SYCE1: variants seen among roughly 807,000 people sequenced by gnomAD.
SYCE1 encodes synaptonemal complex central element protein 1, also known as cancer/testis antigen 76.
A neutral mutation model predicts 55.1 loss-of-function variants in SYCE1; 37 were observed. The ratio of observed to expected loss-of-function variants is 0.67; its 90% CI spans 0.52 to 0.88. The LOEUF is 0.88. SYCE1 is among the 40% of genes least tolerant of loss of function. SYCE1 has a pLI of 0.00. For synonymous variants in SYCE1, 163 were observed against 159.4 expected, an observed-to-expected ratio of 1.02 and a Z score of -0.17; for missense variants, 399 against 416.4, an observed-to-expected ratio of 0.96 and a Z score of 0.36.
Position 133,559,329 on chromosome 10 carries a change from C to CAGG in SYCE1, c.165_167dup (p.Leu56dup). On this transcript the variant is annotated inframe_insertion, in exon 3 of 13. Coordinates refer to ENST00000343131, the MANE Select transcript of SYCE1 (RefSeq NM_001143764.3). ...GCTGGACCTCATTAATCCGGTTAAT[C>CAGG]AGGACCTCAACTCGGGGCTCTAGGC... 1 of 1,614,138 alleles carries CAGG rather than the reference C, an allele frequency of 6.2e-7. No homozygotes were observed. Among genetic ancestry groups the CAGG allele is most frequent in the Non-Finnish European group, 8.5e-7 (1 of 1,180,026 alleles).
At position 133,558,167 on chromosome 10, in the gene SYCE1, C is replaced by G. The variant is rs754075575; in HGVS notation, c.319G>C (p.Glu107Gln). ...CTGGAGACAGGGGAGCGGCAAATACCTTGTTTTTTGCTCAAGATCTCCTTC... is the reference window on the plus strand; with the variant it reads ...CTGGAGACAGGGGAGCGGCAAATACGTTGTTTTTTGCTCAAGATCTCCTTC... ...HLKEILSKKQ[E>Q]TLRILRLHCQ... The change falls in exon 5 of 13, where the codon GAG becomes CAG. Residue 107 changes from glutamate (E) to glutamine (Q), a missense_variant and splice_region_variant. Glu to Gln is a conservative substitution (Grantham distance 29). Coordinates refer to ENST00000343131, the MANE Select transcript of SYCE1 (RefSeq NM_001143764.3). 1.2e-6 allele frequency: 2 copies of G among 1,614,180 alleles called. No individual in the cohort carries two copies. Among genetic ancestry groups the G allele is most frequent in the Non-Finnish European group, 1.7e-6 (2 of 1,180,022 alleles).
downstream of SYCE1, chr10:133,554,683 G>A (rs780295702): frequency 5.3e-6 from 4 of 761,324 alleles, no homozygotes; most frequent in Non-Finnish European, 9.2e-6. Flanking sequence ...GTCCAGACCT[G>A]TAATGAAGGA....
rs146990359 is a variant in SYCE1, at chr10:133,555,389, G to A, written c.880C>T (p.Gln294Ter). 54 of 1,614,040 alleles carry A rather than the reference G, an allele frequency of 3.3e-5. No homozygotes were observed. In the African/African-American group the frequency reaches 7.1e-4, roughly 21 times the overall value. ...KHGMQVPAQA[Q>*]STQEEEAGPG... ...CCAGCCTCTTCCTCTTGTGTGCTCT[G>A]GGCTTGGGCAGGGACTTGCATTCCA... The change falls in exon 12 of 13, where the codon CAG becomes TAG. Residue 294 changes from glutamine to a stop codon, truncating the protein, a stop_gained. Transcript: ENST00000343131. LOFTEE classifies it low-confidence loss of function (END_TRUNC).
In SYCE1 at chr10:133,555,719, A is replaced by C; in HGVS notation, c.720-12T>G. 1 of 1,606,982 alleles carries C rather than the reference A, an allele frequency of 6.2e-7. No homozygotes were observed. The highest frequency in any genetic ancestry group is 8.5e-7 in the Non-Finnish European group (1 of 1,179,902). ...CCTGAAACAGCTGCCTGGGGGGCCC[A>C]GTAGGGGGTGGTCAGCACCGGCCAC... On this transcript the variant is annotated splice_polypyrimidine_tract_variant and intron_variant, in intron 10 of 12. Coordinates refer to ENST00000343131, the MANE Select transcript of SYCE1 (RefSeq NM_001143764.3).
intron 3 of SYCE1, 157 bp downstream of exon 3, chr10:133,559,144 C>A: frequency 1.1e-6 from 1 of 924,732 alleles, no homozygotes; most frequent in Admixed American, 2.3e-5. Flanking sequence ...CTATGGCAGT[C>A]GCATGCTGAA....
intron 1 of SYCE1, chr10:133,561,246 C>T (rs1213998951): frequency 2.6e-5 from 4 of 152,114 alleles, no homozygotes; most frequent in Non-Finnish European, 5.9e-5. Flanking sequence ...TTGGGTTTCA[C>T]ATTTTGGCAA....
intron 4 of SYCE1, 175 bp downstream of exon 4, chr10:133,558,702 G>A: frequency 1.5e-6 from 1 of 646,596 alleles, no homozygotes; most frequent in Non-Finnish European, 2.7e-6. Flanking sequence ...TGAGGTTGGA[G>A]GGTGTTTCCT....
rs767830837 is a variant in SYCE1, at chr10:133,555,617, T to C, written c.810A>G (p.Gln270=). Residue 270 remains glutamine (Q), a synonymous_variant, in exon 11 of 13, where the codon CAA becomes CAG. Transcript: ENST00000343131. The stretch of plus-strand genomic sequence containing the variant: ...CGCACCTCTGCCGCTTCTGCTGCTG[T>C]TGTTGGCACTTCTGCTGCAGCTGCT... The part of the protein sequence containing the change: ...RHQQLQQKCQ[Q]QQQKRQRLKE... 5 of 1,605,928 alleles carry C rather than the reference T, an allele frequency of 3.1e-6. No homozygotes were observed. Among genetic ancestry groups the C allele is most frequent in the Non-Finnish European group, 2.5e-6 (3 of 1,179,424 alleles).
chr10:133,556,881 G>A (rs78475722), intron 7 of SYCE1, 59 bp from the exon 8 acceptor site: 4 of 1,591,754 alleles, frequency 2.5e-6, no homozygotes, highest in Non-Finnish European at 2.6e-6. Context: ...TTCACAGCCT[G>A]TCCAAGTCTG....
In SYCE1 at chr10:133,556,633, C is replaced by T. The variant is rs12252795; in HGVS notation, c.528+126G>A. 6.8e-3 allele frequency: 6,520 copies of T among 960,058 alleles called. 270 individuals are homozygous for T. In the African/African-American group the frequency reaches 0.092, roughly 14 times the overall value. 59.5% of individuals were successfully genotyped at this position (960,058 alleles called of 1,614,324 possible). On this transcript the variant is annotated intron_variant, in intron 8 of 12. Coordinates refer to ENST00000343131, the MANE Select transcript of SYCE1 (RefSeq NM_001143764.3). Reference sequence around the variant, plus strand: ...ACAAGGGACTGGATTCAGGCAATGTCGATCTTAGCACCACCAGGGCTTGCT... The same window carrying T: ...ACAAGGGACTGGATTCAGGCAATGTTGATCTTAGCACCACCAGGGCTTGCT...
rs1458543782 is a variant in SYCE1 at position 133,558,902 on chromosome 10, C to T, written c.246G>A (p.Glu82=). 19 of 1,613,350 alleles carry T rather than the reference C, an allele frequency of 1.2e-5. No homozygotes were observed. Among genetic ancestry groups the T allele is most frequent in the Non-Finnish European group, 1.6e-5 (19 of 1,179,864 alleles). ...GCGAGTCCAGTTCCTTCTGCAGGGC[C>T]TCACAGATGGTCCGGGCCTCTCCTA... is the stretch of plus-strand genomic sequence containing the variant. ...KDLGEARTIC[E]ALQKELDSLH... Residue 82 remains glutamate, a synonymous_variant, in exon 4 of 13, where the codon GAG becomes GAA. Transcript: ENST00000343131.
chr10:133,554,319 G>C (rs11101822), downstream of SYCE1: 7,862 of 1,613,770 alleles, frequency 4.9e-3, 356 homozygotes, highest in African/African-American at 0.093. Context: ...GGTCTACCTG[G>C]TCTGGGAGCC....
chr10:133,563,050 C>A (rs181383731), intron 1 of SYCE1, among the ~76,000 whole-genome samples: 167 of 152,358 alleles, frequency 1.1e-3, no homozygotes, highest in African/African-American at 3.8e-3. Flanking sequence ...ATTGACAATA[C>A]CAAATTACCT....
intron 6 of SYCE1, 194 bp from the exon 7 acceptor site, chr10:133,557,350 A>G (rs754890437): frequency 1.3e-5 from 8 of 602,036 alleles, no homozygotes; most frequent in Non-Finnish European, 2.1e-5. Context: ...AGAGAGATTA[A>G]TGTGGACATG....
At chr10:133,563,250 T>C (rs1851856274) in intron 1 of SYCE1, among the ~76,000 whole-genome samples, 2 of 152,228 alleles carry the variant, frequency 1.3e-5, no homozygotes, top group African/African-American at 2.4e-5. Context: ...TGGATATGGC[T>C]AATGGGCAAG....
rs752911209 is a variant in SYCE1, at chr10:133,555,916, G to A, written c.596-13C>T. The A allele has an allele frequency of 6.2e-7, 1 of 1,613,782 alleles. No individual in the cohort carries two copies. The highest frequency in any genetic ancestry group is 1.1e-5 in the South Asian group (1 of 91,012). On this transcript the variant is annotated splice_polypyrimidine_tract_variant and intron_variant, in intron 9 of 12. Transcript: ENST00000343131. ...TTGACCAGCTTCTCTGCAGCACAAAGGGGCAGGTGAGCACATGAAGGCACG... is the reference window on the plus strand; with the variant it reads ...TTGACCAGCTTCTCTGCAGCACAAAAGGGCAGGTGAGCACATGAAGGCACG...
In SYCE1 at chr10:133,558,873, T is replaced by C; in HGVS notation, c.271+4A>G. 6.2e-7 allele frequency: 1 copy of C among 1,613,584 alleles called. No individual in the cohort carries two copies. The highest frequency in any genetic ancestry group is 8.5e-7 in the Non-Finnish European group (1 of 1,179,882). ...GACCTCTGGGTGACCCCCGGCTCTC[T>C]TACGCGAGTCCAGTTCCTTCTGCAG... is the stretch of plus-strand genomic sequence containing the variant. On this transcript the variant is annotated splice_donor_region_variant and intron_variant, in intron 4 of 12. Transcript: ENST00000343131.
chr10:133,567,697 G>A, upstream of SYCE1: 1 of 219,504 alleles, frequency 4.6e-6, no homozygotes. Context: ...GGTTACCACG[G>A]CCCCTGGGCA....
At chr10:133,557,944 T>C (rs1589966823) in intron 5 of SYCE1, 26 bp from the exon 6 acceptor site, 1 of 1,613,536 alleles carries the variant, frequency 6.2e-7, no homozygotes, top group Non-Finnish European at 8.5e-7. Context: ...CAGGGCCCTA[T>C]GAGAACCTGT....
Sources: allele counts gnomAD v4.1 joint callset (sites outside exome capture counted in the v4.1 genomes callset), GRCh38; gene constraint gnomAD v4.1.1; transcripts MANE v1.5; gene names NCBI Gene and HGNC (gene_info 2026-07-23, HGNC 2026-07-21).